The following SLC7A5 variants were observed in gnomAD, a reference collection of about 807,000 sequenced individuals.
The protein encoded by SLC7A5 is large neutral amino acids transporter small subunit 1.
A neutral mutation model predicts 50.2 loss-of-function variants in SLC7A5; 23 were observed. The ratio of observed to expected loss-of-function variants is 0.46; its 90% CI spans 0.33 to 0.65. The LOEUF (loss-of-function observed/expected upper bound fraction) is 0.65, where lower values mean the gene tolerates loss of function less well. SLC7A5 is among the 30% of genes least tolerant of loss of function. The pLI is 0.02. For synonymous variants in SLC7A5, 393 were observed against 330.6 expected, an observed-to-expected ratio of 1.19 and a Z score of -2.05; for missense variants, 578 against 684.4, an observed-to-expected ratio of 0.84 and a Z score of 1.73.
rs115103424 is a variant in SLC7A5 at position 87,850,873 on chromosome 16, G to C, written c.664+851C>G. Among the ~76,000 whole-genome samples the C allele has an allele frequency of 7.2e-3, 1,095 of 152,322 alleles. 12 individuals carry two copies. The highest frequency in any genetic ancestry group is 0.024 in the African/African-American group (1,002 of 41,566). On this transcript the variant is annotated intron_variant, in intron 2 of 9. Transcript: ENST00000261622. ...GCTCTGCAGGCAGACACAGAACACA[G>C]ATCTATGGAGTGTGTGTTAAAGGGT...
At chr16:87,851,641 C>T (rs768300082) in intron 2 of SLC7A5, 83 bp downstream of exon 2, 45 of 1,538,604 alleles carry the variant, frequency 2.9e-5, no homozygotes, top group African/African-American at 6.8e-5. Flanking sequence ...GGGAGGCACC[C>T]GGGGACGGGA....
At chr16:87,851,951 C>G (rs2055231478) in intron 1 of SLC7A5, 102 bp from the exon 2 acceptor site, 1 of 1,450,806 alleles carries the variant, frequency 6.9e-7, no homozygotes, top group African/African-American at 1.4e-5. Flanking sequence ...GGGCCAGGTC[C>G]ACCAGAAAAA....
At chr16:87,855,584 C>T (rs1052876539) in intron 1 of SLC7A5, among the ~76,000 whole-genome samples, 5 of 151,988 alleles carry the variant, frequency 3.3e-5, no homozygotes, top group African/African-American at 7.2e-5. Context: ...TGCCCGTGAA[C>T]GCTCACCTCT....
chr16:87,868,784 G>T, intron 1 of SLC7A5, 101 bp downstream of exon 1: 1 of 1,235,776 alleles, frequency 8.1e-7, no homozygotes, highest in Non-Finnish European at 1.2e-6. Flanking sequence ...GTCCAGGAAC[G>T]TAAAGATGTA....
At chr16:87,847,153 G>A (rs2055164087) in intron 2 of SLC7A5, among the ~76,000 whole-genome samples, 1 of 152,224 alleles carries the variant, frequency 6.6e-6, no homozygotes, top group Non-Finnish European at 1.5e-5. Context: ...AGGCCCAGAA[G>A]AAGGAACAGC....
At chr16:87,846,824 G>C (rs894917138) in intron 2 of SLC7A5, among the ~76,000 whole-genome samples, 6 of 152,250 alleles carry the variant, frequency 3.9e-5, no homozygotes, top group African/African-American at 1.4e-4. Flanking sequence ...AGGGCGTGAG[G>C]TGAGGAAAAG....
rs1409564085 is a variant in SLC7A5, at chr16:87,853,288, CG to C, written c.539-1440del. The stretch of plus-strand genomic sequence containing the variant: ...ACCGGAAACGTCCTGAGGTGCGGGA[CG>C]GGCTGCCGCCTGCCTATCTCTCAGA... On this transcript the variant is annotated intron_variant, in intron 1 of 9. Coordinates refer to ENST00000261622, the MANE Select transcript of SLC7A5 (RefSeq NM_003486.7). The surrounding 1 kb of genome is among the most constrained non-coding windows in gnomAD (Gnocchi z 4.4). 6.6e-6 allele frequency among the ~76,000 whole-genome samples: 1 copy of C among 152,236 alleles called. No individual in the cohort carries two copies. Among genetic ancestry groups the C allele is most frequent in the Non-Finnish European group, 1.5e-5 (1 of 68,032 alleles).
intron 1 of SLC7A5, 109 bp from the exon 2 acceptor site, chr16:87,851,958 A>G (rs1187459148): frequency 1.5e-6 from 2 of 1,358,084 alleles, no homozygotes; most frequent in Non-Finnish European, 2.1e-6. Context: ...GTCCACCAGA[A>G]AAACAAGCTC....
Position 87,830,188 on chromosome 16 carries a change from TCA to T in SLC7A5, c.*2780_*2781del, listed in dbSNP as rs2054919529. The T allele has an allele frequency of 6.6e-6, 1 of 152,206 alleles. No homozygotes were observed. Among genetic ancestry groups the T allele is most frequent in the Non-Finnish European group, 1.5e-5 (1 of 68,048 alleles). The allele number at this position is 152,206 out of a possible 1,614,324, so 9.4% of individuals were successfully genotyped here. ...GGGTGTCCAGCCTGGTCGGCCGACG[TCA>T]CAGTGGATGGCCCTGCGTGGCTGGG... On this transcript the variant is annotated 3_prime_UTR_variant, in exon 10 of 10. Coordinates refer to ENST00000261622, the MANE Select transcript of SLC7A5 (RefSeq NM_003486.7).
Position 87,838,728 on chromosome 16 carries a change from C to A in SLC7A5, c.1029G>T (p.Leu343=), listed in dbSNP as rs1407575172. Residue 343 remains leucine, a synonymous_variant, in exon 6 of 10, where the codon CTG becomes CTT. Coordinates refer to ENST00000261622, the MANE Select transcript of SLC7A5 (RefSeq NM_003486.7). ...LSCFGSVNGS[L]FTSSRLFFVG... ...GCTGTGCTCACCTGGAGGATGTGAA[C>A]AGGGACCCATTGACGGAGCCGAAGC... 1.2e-6 allele frequency: 2 copies of A among 1,613,796 alleles called. No homozygotes were observed. Among genetic ancestry groups the A allele is most frequent in the South Asian group, 2.2e-5 (2 of 91,082 alleles).
At chr16:87,842,867 C>T (rs1482435753) in intron 2 of SLC7A5, among the ~76,000 whole-genome samples, 2 of 65,508 alleles carry the variant, frequency 3.1e-5, no homozygotes, top group East Asian at 9.1e-4. Context: ...CACAGCACCT[C>T]GGCACAGCCC....
chr16:87,850,887 G>C (rs893615062), intron 2 of SLC7A5, among the ~76,000 whole-genome samples: 1 of 152,218 alleles, frequency 6.6e-6, no homozygotes, highest in Non-Finnish European at 1.5e-5. Flanking sequence ...TATGGAGTGT[G>C]TGTTAAAGGG....
At chr16:87,850,760 T>C (rs1265018303) in intron 2 of SLC7A5, among the ~76,000 whole-genome samples, 1 of 152,158 alleles carries the variant, frequency 6.6e-6, no homozygotes, top group Non-Finnish European at 1.5e-5. Context: ...GGACAGTGTG[T>C]CCCAGGGTCT....
chr16:87,840,293 T>C (rs1415388357), intron 4 of SLC7A5, 136 bp downstream of exon 4: 1 of 789,166 alleles, frequency 1.3e-6, no homozygotes. Context: ...CACATCCTGC[T>C]GGCCCCAGAG....
intron 2 of SLC7A5, among the ~76,000 whole-genome samples, chr16:87,850,941 A>G (rs731710): frequency 0.42 from 63,418 of 152,090 alleles, 13,788 homozygotes; most frequent in South Asian, 0.65. Flanking sequence ...AGTCCACGTC[A>G]ACAGAGAACA....
Position 87,862,490 on chromosome 16 carries a change from G to A in SLC7A5, c.538+6395C>T, listed in dbSNP as rs1400090603. Among the ~76,000 whole-genome samples, 1 of 152,220 alleles carries A rather than the reference G, an allele frequency of 6.6e-6. No individual in the cohort carries two copies. Among genetic ancestry groups the A allele is most frequent in the African/African-American group, 2.4e-5 (1 of 41,456 alleles). ...CCCTGGGCCTGTGCCGAGCGTGGGT[G>A]GGTGACATCATCTCGCACCCAGAGC... On this transcript the variant is annotated intron_variant, in intron 1 of 9. Coordinates refer to ENST00000261622, the MANE Select transcript of SLC7A5 (RefSeq NM_003486.7). This position sits in a 1 kb window ranked among gnomAD's most constrained non-coding sequence, Gnocchi z 5.3.
At position 87,836,501 on chromosome 16, in the gene SLC7A5, G is replaced by A. The variant is rs745691480; in HGVS notation, c.1287C>T (p.Ile429=). ...RHRKPELERP[I]KVNLALPVFF... ...GAGCGGGAGGCCCCGGGCTCACCTT[G>A]ATGGGCCGCTCAAGCTCAGGCTTTC... The change falls in exon 8 of 10, where the codon ATC becomes ATT. Residue 429 remains isoleucine (I), a synonymous_variant. Transcript: ENST00000261622. 1.2e-6 allele frequency: 2 copies of A among 1,610,810 alleles called. No individual in the cohort carries two copies. Among genetic ancestry groups the A allele is most frequent in the South Asian group, 2.2e-5 (2 of 91,082 alleles).
At chr16:87,838,845 C>G (rs1167392287) in intron 5 of SLC7A5, 28 bp from the exon 6 acceptor site, 1 of 1,566,520 alleles carries the variant, frequency 6.4e-7, no homozygotes, top group South Asian at 1.1e-5. Context: ...GTGAGCTGGG[C>G]CCCACCGGGC....
rs1016472016 is a variant in SLC7A5, at chr16:87,852,951, G to T, written c.539-1102C>A. Among the ~76,000 whole-genome samples, 3 of 152,196 alleles carry T rather than the reference G, an allele frequency of 2.0e-5. No individual in the cohort carries two copies. Among genetic ancestry groups the T allele is most frequent in the African/African-American group, 7.2e-5 (3 of 41,442 alleles). On this transcript the variant is annotated intron_variant, in intron 1 of 9. Transcript: ENST00000261622. This position sits in a 1 kb window ranked among gnomAD's most constrained non-coding sequence, Gnocchi z 4.5. ...CTCACGAGGTTATCTGTCGCTGTCA[G>T]CAGCTTGAAATCTGCCAGTGGGAAC...
Sources: allele counts gnomAD v4.1 joint callset (sites outside exome capture counted in the v4.1 genomes callset), GRCh38; gene constraint gnomAD v4.1.1; non-coding constraint Gnocchi (gnomAD v3.1); transcripts MANE v1.5; gene names NCBI Gene and HGNC (gene_info 2026-07-23, HGNC 2026-07-21).